The following TJP1 variants were observed in gnomAD, a reference collection of about 807,000 sequenced individuals.
TJP1 encodes the protein tight junction protein ZO-1.
Under a neutral mutation model 194.2 loss-of-function variants are expected in TJP1, and 43 were observed. The ratio of observed to expected loss-of-function variants is 0.22; its 90% CI spans 0.17 to 0.29. The LOEUF is 0.29. TJP1 is among the 10% of genes least tolerant of loss of function. The pLI is 1.00. For missense variants in TJP1, 1,971 were observed against 2,185.7 expected, an observed-to-expected ratio of 0.90 and a Z score of 1.96; for synonymous variants, 801 against 779.0, an observed-to-expected ratio of 1.03 and a Z score of -0.47.
chr15:29,757,072 T>C (rs1444004916), intron 8 of TJP1, among the ~76,000 whole-genome samples: 2 of 152,120 alleles, frequency 1.3e-5, no homozygotes, highest in East Asian at 1.9e-4. Flanking sequence ...TCACTGCATA[T>C]GGGGATGCTG....
chr15:29,814,988 C>T (rs2049810764), intron 1 of TJP1, among the ~76,000 whole-genome samples: 1 of 152,132 alleles, frequency 6.6e-6, no homozygotes, highest in Non-Finnish European at 1.5e-5. Flanking sequence ...TTGGTGTTCT[C>T]ATGATCTAAA....
At chr15:29,710,734 T>C in intron 24 of TJP1, 97 bp downstream of exon 24, 3 of 1,471,804 alleles carry the variant, frequency 2.0e-6, no homozygotes, top group Non-Finnish European at 9.4e-7. Context: ...GTTTCAAGCA[T>C]GTATTTTTTA....
At chr15:29,745,906 AATGTCAGT>A (rs2044738659) in intron 8 of TJP1, among the ~76,000 whole-genome samples, 1 of 152,188 alleles carries the variant, frequency 6.6e-6, no homozygotes, top group South Asian at 2.1e-4. Flanking sequence ...TATGATACCA[AATGTCAGT>A]ACGAGTCTGG....
chr15:29,903,155 T>C (rs942870658), intron 2 of TJP1, among the ~76,000 whole-genome samples: 2 of 152,116 alleles, frequency 1.3e-5, no homozygotes, highest in Admixed American at 1.3e-4. Flanking sequence ...ACTTGGCGGC[T>C]TCTGGCTTGG....
intron 1 of TJP1, chr15:29,967,988 A>C: frequency 1.1e-6 from 1 of 916,740 alleles, no homozygotes; most frequent in Non-Finnish European, 1.3e-6. Flanking sequence ...GGGATTCCGC[A>C]TGGATTACGG....
intron 1 of TJP1, among the ~76,000 whole-genome samples, chr15:29,821,041 A>C (rs1424202825): frequency 1.3e-5 from 2 of 152,210 alleles, no homozygotes; most frequent in Non-Finnish European, 2.9e-5. Flanking sequence ...TGAAGTAATG[A>C]ATTGATATTC....
At chr15:29,734,146 T>C (rs2043856703) in intron 12 of TJP1, 128 bp downstream of exon 12, 3 of 624,136 alleles carry the variant, frequency 4.8e-6, no homozygotes, top group Non-Finnish European at 8.1e-6. Flanking sequence ...TACATAACTT[T>C]CTTTGAGATT....
chr15:29,916,206 C>T (rs1452232007), intron 2 of TJP1, among the ~76,000 whole-genome samples: 1 of 147,270 alleles, frequency 6.8e-6, no homozygotes, highest in Non-Finnish European at 1.5e-5. Context: ...CGCCACTGTA[C>T]TCCAGCCTGT....
intron 2 of TJP1, among the ~76,000 whole-genome samples, chr15:29,896,262 C>T (rs889290540): frequency 1.3e-5 from 2 of 152,232 alleles, no homozygotes; most frequent in Non-Finnish European, 2.9e-5. Flanking sequence ...GTGCTGTTCT[C>T]CTGATAGTGA....
At chr15:29,829,327 C>A (rs2050766916) in intron 2 of TJP1, among the ~76,000 whole-genome samples, 1 of 152,160 alleles carries the variant, frequency 6.6e-6, no homozygotes, top group African/African-American at 2.4e-5. Context: ...CTCCTACTTT[C>A]CAAATGTGAA....
upstream of TJP1, among the ~76,000 whole-genome samples, chr15:29,825,514 C>G (rs1436093730): frequency 6.6e-6 from 1 of 152,154 alleles, no homozygotes; most frequent in African/African-American, 2.4e-5. Flanking sequence ...TGTGCAAAAT[C>G]TTTACACATT....
chr15:29,787,748 C>G (rs545002835), intron 2 of TJP1, among the ~76,000 whole-genome samples: 6 of 152,238 alleles, frequency 3.9e-5, no homozygotes, highest in African/African-American at 1.4e-4. Context: ...TATTCATCAG[C>G]TAATATAGCC....
intron 1 of TJP1, among the ~76,000 whole-genome samples, chr15:29,805,597 A>T (rs970001051): frequency 5.9e-5 from 9 of 152,204 alleles, no homozygotes; most frequent in Admixed American, 3.3e-4. Flanking sequence ...GGCCAAAAAA[A>T]GGTCCCTCTC....
At chr15:29,954,760 G>T (rs2055875652) in intron 2 of TJP1, among the ~76,000 whole-genome samples, 1 of 152,070 alleles carries the variant, frequency 6.6e-6, no homozygotes, top group Non-Finnish European at 1.5e-5. Flanking sequence ...TAAAATAAAT[G>T]TAAACAAATT....
At chr15:29,728,095 C>T (rs1352836005) in intron 15 of TJP1, 76 bp from the exon 16 acceptor site, 6 of 1,176,396 alleles carry the variant, frequency 5.1e-6, no homozygotes, top group Middle Eastern at 1.9e-4. Flanking sequence ...CTACTGGCCA[C>T]AACTGATATG....
chr15:29,918,550 TGTGG>T (rs1414951535), intron 2 of TJP1, among the ~76,000 whole-genome samples: 27 of 152,066 alleles, frequency 1.8e-4, no homozygotes, highest in Non-Finnish European at 3.8e-4. Flanking sequence ...GCCTGGGCAA[TGTGG>T]CGAAACCCCA....
At chr15:29,949,949 A>T (rs1411437660) in intron 2 of TJP1, among the ~76,000 whole-genome samples, 9 of 32,786 alleles carry the variant, frequency 2.7e-4, no homozygotes, top group African/African-American at 9.2e-4. Context: ...CTCCACAACC[A>T]CCACCACCAC....
At chr15:29,754,943 G>A (rs561022428) in intron 8 of TJP1, among the ~76,000 whole-genome samples, 1 of 152,234 alleles carries the variant, frequency 6.6e-6, no homozygotes, top group Non-Finnish European at 1.5e-5. Flanking sequence ...CTCAAATGCT[G>A]ACGAAAACAA....
chr15:29,824,119 G>GAAAAA (rs1567108174), upstream of TJP1: 27 of 17,572 alleles, frequency 1.5e-3, 5 homozygotes, highest in Admixed American at 3.8e-3. Context: ...AAAAAAAAAT[G>GAAAAA]GTGGCCAGGC....
Sources: allele counts gnomAD v4.1 joint callset (sites outside exome capture counted in the v4.1 genomes callset), GRCh38; gene constraint gnomAD v4.1.1; transcripts MANE v1.5; gene names NCBI Gene and HGNC (gene_info 2026-07-23, HGNC 2026-07-21).